DOCK3: variants seen among roughly 807,000 people sequenced by gnomAD.
The protein encoded by DOCK3 is dedicator of cytokinesis 3.
Under a neutral mutation model 265.6 loss-of-function variants are expected in DOCK3, and 60 were observed. The observed-to-expected ratio is 0.23, with a 90% CI of 0.18 to 0.28. DOCK3 has a LOEUF of 0.28. Ranked by LOEUF, DOCK3 falls within the 10% of genes least tolerant of loss-of-function variation. The pLI is 1.00. For missense variants in DOCK3, 1,981 were observed against 2,594.3 expected (o/e 0.76, Z 5.14); for synonymous variants, 881 against 938.0 (o/e 0.94, Z 1.11).
intron 5 of DOCK3, among the ~76,000 whole-genome samples, chr3:50,977,150 G>A (rs973210892): frequency 6.6e-6 from 1 of 151,268 alleles, no homozygotes; most frequent in African/African-American, 2.4e-5. Flanking sequence ...TACATTTAAA[G>A]TTAATATTGT....
intron 4 of DOCK3, among the ~76,000 whole-genome samples, chr3:50,914,042 TTGTCTCTC>T (rs1184676740): frequency 6.6e-6 from 1 of 151,978 alleles, no homozygotes; most frequent in Non-Finnish European, 1.5e-5. Flanking sequence ...CCTCCCTGTA[TTGTCTCTC>T]TTATTTTATT....
intron 5 of DOCK3, among the ~76,000 whole-genome samples, chr3:50,961,877 G>A (rs983213041): frequency 6.6e-5 from 10 of 152,042 alleles, no homozygotes; most frequent in Non-Finnish European, 1.3e-4. Context: ...TTAATAGAAA[G>A]GAATTATTAA....
intron 12 of DOCK3, among the ~76,000 whole-genome samples, chr3:51,180,224 AAACAC>A (rs2087206930): frequency 6.7e-6 from 1 of 148,932 alleles, no homozygotes; most frequent in African/African-American, 2.5e-5. Flanking sequence ...AAAAAAAAAA[AAACAC>A]ACACACACAC....
chr3:51,212,908 C>T (rs576323232), intron 13 of DOCK3, among the ~76,000 whole-genome samples: 1 of 152,112 alleles, frequency 6.6e-6, no homozygotes, highest in South Asian at 2.1e-4. Flanking sequence ...GCAGAAGCAA[C>T]GAGATAATTA....
chr3:51,017,312 A>G (rs960247091), intron 5 of DOCK3, among the ~76,000 whole-genome samples: 1 of 151,292 alleles, frequency 6.6e-6, no homozygotes, highest in Non-Finnish European at 1.5e-5. Context: ...TATCTTTTCA[A>G]AAAGTCAGCT....
At chr3:50,706,704 T>TGA (rs1171690305) in intron 1 of DOCK3, among the ~76,000 whole-genome samples, 2 of 152,212 alleles carry the variant, frequency 1.3e-5, no homozygotes, top group Non-Finnish European at 2.9e-5. Flanking sequence ...GCCCATCTCT[T>TGA]CTCTGGAACT....
intron 9 of DOCK3, among the ~76,000 whole-genome samples, 159 bp from the exon 10 acceptor site, chr3:51,146,390 A>G (rs1431487110): frequency 6.6e-6 from 1 of 152,210 alleles, no homozygotes; most frequent in Non-Finnish European, 1.5e-5. Context: ...CTTGGCAGGA[A>G]AAAAGAGGGT....
In DOCK3 at chr3:51,374,644, C is replaced by A; in HGVS notation, c.5412+57C>A. 6.6e-7 allele frequency: 1 copy of A among 1,506,488 alleles called. No individual in the cohort carries two copies. The highest frequency in any genetic ancestry group is 1.2e-5 in the South Asian group (1 of 83,798). The allele number at this position is 1,506,488 out of a possible 1,614,324, so 93.3% of individuals were successfully genotyped here. A position where few individuals can be genotyped will look rare whatever the true frequency, so the allele number is the denominator to read the frequency against. On this transcript the variant is annotated intron_variant, in intron 50 of 52. Coordinates refer to ENST00000266037, the MANE Select transcript of DOCK3 (RefSeq NM_004947.5). The surrounding 1 kb of genome is among the most constrained non-coding windows in gnomAD (Gnocchi z 4.8). The stretch of plus-strand genomic sequence containing the variant: ...CTGCAAGTGTGTTAGCCTGTGCTTC[C>A]CTCCTTGCATTTGCGGGGCCTTCTG...
chr3:51,073,462 A>T (rs898321103), intron 6 of DOCK3, among the ~76,000 whole-genome samples: 3 of 152,204 alleles, frequency 2.0e-5, no homozygotes, highest in African/African-American at 7.2e-5. Flanking sequence ...AAGAATAGCT[A>T]ATAAGAGGTG....
At chr3:51,324,010 G>A (rs4974106) in intron 32 of DOCK3, among the ~76,000 whole-genome samples, 132,765 of 152,218 alleles carry the variant, frequency 0.87, 57,998 homozygotes, top group East Asian at 0.94. Context: ...TTTGAAAACC[G>A]GCATAAGACA....
intron 1 of DOCK3, among the ~76,000 whole-genome samples, chr3:50,716,840 G>A (rs1055998582): frequency 2.0e-5 from 3 of 151,460 alleles, no homozygotes; most frequent in Non-Finnish European, 4.4e-5. Context: ...CCCATGATAG[G>A]GTATTCACCA....
At chr3:51,229,986 T>G (rs1263807353) in intron 19 of DOCK3, among the ~76,000 whole-genome samples, 1 of 152,234 alleles carries the variant, frequency 6.6e-6, no homozygotes, top group African/African-American at 2.4e-5. Flanking sequence ...GTGTGGTCTT[T>G]CTGTGCCTGA....
At chr3:50,889,553 A>G (rs1559774715) in intron 3 of DOCK3, among the ~76,000 whole-genome samples, 1 of 152,022 alleles carries the variant, frequency 6.6e-6, no homozygotes, top group Non-Finnish European at 1.5e-5. Flanking sequence ...GGAAAGAGTA[A>G]AAGAAGACAT....
chr3:51,294,663 G>C (rs559785627), intron 27 of DOCK3, among the ~76,000 whole-genome samples: 11 of 138,660 alleles, frequency 7.9e-5, no homozygotes, highest in Non-Finnish European at 1.5e-4. Flanking sequence ...GGGCGACAGA[G>C]AGAGACTCTA....
rs1553656755 is a variant in DOCK3, at chr3:50,782,293, T to TTTTTA, written c.121+3539_121+3540insATTTT. ...GCAGTCTCACCAGTACCTGTTATTT[T>TTTTTA]TTTTTTTTTTTTTTTGAGACGGAGT... is the stretch of plus-strand genomic sequence containing the variant. On this transcript the variant is annotated intron_variant, in intron 2 of 52. Coordinates refer to ENST00000266037, the MANE Select transcript of DOCK3 (RefSeq NM_004947.5). 4.4e-5 allele frequency among the ~76,000 whole-genome samples: 6 copies of TTTTTA among 135,006 alleles called. 1 individual carries two copies. The highest frequency in any genetic ancestry group is 9.5e-5 in the Non-Finnish European group (6 of 63,402). 88.6% of individuals were successfully genotyped at this position (135,006 alleles called of 152,430 possible).
intron 22 of DOCK3, among the ~76,000 whole-genome samples, chr3:51,256,506 G>T (rs1209056727): frequency 6.6e-6 from 1 of 152,064 alleles, no homozygotes; most frequent in Non-Finnish European, 1.5e-5. Context: ...CCTGACCTCA[G>T]GTGATCCGGC....
chr3:50,679,736 C>A (rs1034345392), intron 1 of DOCK3, among the ~76,000 whole-genome samples: 2 of 152,208 alleles, frequency 1.3e-5, no homozygotes, highest in East Asian at 1.9e-4. Flanking sequence ...GAAGCCCAAC[C>A]TTTGCAACCT....
At chr3:51,205,868 GC>G (rs2089176808) in intron 12 of DOCK3, among the ~76,000 whole-genome samples, 1 of 152,138 alleles carries the variant, frequency 6.6e-6, no homozygotes, top group Non-Finnish European at 1.5e-5. Flanking sequence ...GTTTTTTATA[GC>G]CAGTCATGAG....
intron 10 of DOCK3, among the ~76,000 whole-genome samples, chr3:51,158,004 G>A (rs1003600248): frequency 2.6e-5 from 4 of 151,662 alleles, no homozygotes; most frequent in African/African-American, 9.7e-5. Flanking sequence ...AGATGAAAGA[G>A]GAAAAGGAAA....
Sources: allele counts gnomAD v4.1 joint callset (sites outside exome capture counted in the v4.1 genomes callset), GRCh38; gene constraint gnomAD v4.1.1; non-coding constraint Gnocchi (gnomAD v3.1); transcripts MANE v1.5; gene names NCBI Gene and HGNC (gene_info 2026-07-23, HGNC 2026-07-21).